Variants in GTF3C4 observed in about 807,000 individuals in gnomAD.
GTF3C4 encodes general transcription factor IIIC subunit 4.
Under a neutral mutation model 67.5 loss-of-function variants are expected in GTF3C4, and 28 were observed. That is an observed-to-expected ratio of 0.41 (90% CI 0.31 to 0.57). The LOEUF (loss-of-function observed/expected upper bound fraction) is 0.57. Ranked by LOEUF, GTF3C4 falls within the 20% of genes least tolerant of loss-of-function variation. The pLI, the probability that GTF3C4 is intolerant of heterozygous loss-of-function variation, is 0.21. For missense variants in GTF3C4, 831 were observed against 1,033.2 expected (o/e 0.80, Z 2.68); for synonymous variants, 409 against 393.0 (o/e 1.04, Z -0.48).
At chr9:132,674,663 C>G (rs923488743) in intron 1 of GTF3C4, among the ~76,000 whole-genome samples, 4 of 152,204 alleles carry the variant, frequency 2.6e-5, no homozygotes, top group African/African-American at 9.6e-5. Flanking sequence ...TTATATCTAC[C>G]TTTCATTTGG....
intron 2 of GTF3C4, among the ~76,000 whole-genome samples, chr9:132,682,389 T>C (rs1413944201): frequency 1.3e-5 from 2 of 152,100 alleles, no homozygotes; most frequent in Non-Finnish European, 2.9e-5. Flanking sequence ...TTTTAGTGAA[T>C]TAATCCAAAA....
chr9:132,674,284 C>T (rs1050840723), intron 1 of GTF3C4, among the ~76,000 whole-genome samples: 1 of 152,210 alleles, frequency 6.6e-6, no homozygotes, highest in Non-Finnish European at 1.5e-5. Context: ...GGGCAGGCCT[C>T]TGGGAGCTGG....
upstream of GTF3C4, chr9:132,670,078 G>C (rs762299348): frequency 3.8e-6 from 6 of 1,560,386 alleles, no homozygotes; most frequent in South Asian, 5.8e-5. Flanking sequence ...CTCGTCCCGA[G>C]GGGAGCCGGG....
chr9:132,683,725 C>T (rs767420565), intron 3 of GTF3C4, 32 bp downstream of exon 3: 2 of 1,590,244 alleles, frequency 1.3e-6, no homozygotes, highest in East Asian at 2.3e-5. Context: ...TACTTCTGCT[C>T]ATTTTTCAGT....
chr9:132,681,396 G>A (rs1177278958), intron 2 of GTF3C4, among the ~76,000 whole-genome samples: 1 of 152,134 alleles, frequency 6.6e-6, no homozygotes. Flanking sequence ...TGAGTTTATT[G>A]AAGACCACGC....
At chr9:132,671,472 A>C (rs567399757) in intron 1 of GTF3C4, among the ~76,000 whole-genome samples, 2 of 152,290 alleles carry the variant, frequency 1.3e-5, no homozygotes, top group South Asian at 4.1e-4. Flanking sequence ...TGACTTTATT[A>C]TGAATGGTCC....
intron 1 of GTF3C4, among the ~76,000 whole-genome samples, chr9:132,671,918 A>G (rs1053688466): frequency 2.6e-5 from 4 of 152,220 alleles, no homozygotes; most frequent in Admixed American, 2.6e-4. Context: ...CATAGAGAAC[A>G]TGTTTATGTG....
In GTF3C4 at chr9:132,679,038, C is replaced by T. The variant is rs763672314; in HGVS notation, c.1419C>T (p.Gly473=). 21 of 1,614,054 alleles carry T rather than the reference C, an allele frequency of 1.3e-5. No individual in the cohort carries two copies. The highest frequency in any genetic ancestry group is 2.2e-5 in the East Asian group (1 of 44,892). Residue 473 remains glycine (G), a synonymous_variant, in exon 2 of 5, where the codon GGC becomes GGT. Coordinates refer to ENST00000372146, the MANE Select transcript of GTF3C4 (RefSeq NM_012204.4). This position sits in a 1 kb window ranked among gnomAD's most constrained non-coding sequence, Gnocchi z 5.9. ...TGATTAAACTCTCAGATGTGTTTGGCTCAGTGAGGACTCACGGGATAGCAG... is the reference window on the plus strand; with the variant it reads ...TGATTAAACTCTCAGATGTGTTTGGTTCAGTGAGGACTCACGGGATAGCAG... ...HQLIKLSDVF[G]SVRTHGIAVS...
At chr9:132,684,011 G>A (rs1384549157) in intron 3 of GTF3C4, among the ~76,000 whole-genome samples, 1 of 152,034 alleles carries the variant, frequency 6.6e-6, no homozygotes, top group East Asian at 1.9e-4. Context: ...CATGTTACTG[G>A]ACCTGTGGGC....
chr9:132,681,586 T>G (rs1835945636), intron 2 of GTF3C4, among the ~76,000 whole-genome samples: 1 of 152,180 alleles, frequency 6.6e-6, no homozygotes. Flanking sequence ...TTTAGACACT[T>G]TTTCTGAATT....
In GTF3C4 at chr9:132,670,516, C is replaced by T. The variant is rs948318268; in HGVS notation, c.-83C>T. The stretch of plus-strand genomic sequence containing the variant: ...GGGGAGAAAACCGCCGCGGAGGGCG[C>T]TGGGGGTGGCGGCGGCGGTCCGGGA... On this transcript the variant is annotated 5_prime_UTR_variant, in exon 1 of 5. Transcript: ENST00000372146. 7.8e-6 allele frequency: 9 copies of T among 1,151,258 alleles called. No individual in the cohort carries two copies. The highest frequency in any genetic ancestry group is 3.2e-5 in the African/African-American group (2 of 61,550). The allele number at this position is 1,151,258 out of a possible 1,614,324, so 71.3% of individuals were successfully genotyped here.
Position 132,692,251 on chromosome 9 carries a change from A to G in GTF3C4, c.*3306A>G, listed in dbSNP as rs2130905656. On this transcript the variant is annotated 3_prime_UTR_variant, in exon 5 of 5. Transcript: ENST00000372146. Reference sequence around the variant, plus strand: ...TACATGTTGGAAAGAAAAATGGATTAATGGTAAAATTTCTAAAAGCTAAAT... The same window carrying G: ...TACATGTTGGAAAGAAAAATGGATTGATGGTAAAATTTCTAAAAGCTAAAT... 6.6e-6 allele frequency: 1 copy of G among 152,348 alleles called. No homozygotes were observed. The highest frequency in any genetic ancestry group is 1.9e-4 in the East Asian group (1 of 5,186). 9.4% of individuals were successfully genotyped at this position (152,348 alleles called of 1,614,324 possible). A position where few individuals can be genotyped will look rare whatever the true frequency, so the allele number is the denominator to read the frequency against.
At position 132,689,953 on chromosome 9, in the gene GTF3C4, T is replaced by G. The variant is rs1323859612; in HGVS notation, c.*1008T>G. 1 of 152,240 alleles carries G rather than the reference T, an allele frequency of 6.6e-6. No individual in the cohort carries two copies. Among genetic ancestry groups the G allele is most frequent in the Non-Finnish European group, 1.5e-5 (1 of 68,068 alleles). The allele number at this position is 152,240 out of a possible 1,614,324, so 9.4% of individuals were successfully genotyped here. A position where few individuals can be genotyped will look rare whatever the true frequency, so the allele number is the denominator to read the frequency against. On this transcript the variant is annotated 3_prime_UTR_variant, in exon 5 of 5. Transcript: ENST00000372146. ...ACAGAGCCTGGGAATTTCTTTCCTCTGCACAGTCCCTTGATATTTGGAATC... is the reference window on the plus strand; with the variant it reads ...ACAGAGCCTGGGAATTTCTTTCCTCGGCACAGTCCCTTGATATTTGGAATC...
intron 3 of GTF3C4, among the ~76,000 whole-genome samples, chr9:132,685,232 G>A (rs1836007352): frequency 6.6e-6 from 1 of 151,744 alleles, no homozygotes; most frequent in Non-Finnish European, 1.5e-5. Context: ...TGTTGACCAG[G>A]CTGGTCTTGA....
intron 3 of GTF3C4, among the ~76,000 whole-genome samples, chr9:132,686,543 C>T (rs935974048): frequency 6.6e-6 from 1 of 152,122 alleles, no homozygotes; most frequent in Non-Finnish European, 1.5e-5. Context: ...CCAGATGTAC[C>T]CTTTCCCATC....
chr9:132,688,537 T>C (rs1416505242), intron 4 of GTF3C4, among the ~76,000 whole-genome samples: 4 of 152,242 alleles, frequency 2.6e-5, no homozygotes, highest in African/African-American at 9.6e-5. Context: ...ACTGTAATTT[T>C]ATGAGAGAAT....
intron 2 of GTF3C4, among the ~76,000 whole-genome samples, chr9:132,680,401 C>G (rs809797): frequency 0.47 from 71,827 of 151,590 alleles, 17,733 homozygotes; most frequent in African/African-American, 0.61. Context: ...CCACTCAAAG[C>G]GTTCTGAGGA....
At chr9:132,685,580 T>C (rs1836014593) in intron 3 of GTF3C4, among the ~76,000 whole-genome samples, 1 of 152,010 alleles carries the variant, frequency 6.6e-6, no homozygotes, top group Non-Finnish European at 1.5e-5. Flanking sequence ...CTCGAACTCC[T>C]GGGCTCCAGT....
chr9:132,694,036 A>G lies in GTF3C4; in HGVS notation c.*5091A>G, dbSNP rs1228136305. 1 of 152,130 alleles carries G rather than the reference A, an allele frequency of 6.6e-6. No homozygotes were observed. Among genetic ancestry groups the G allele is most frequent in the Non-Finnish European group, 1.5e-5 (1 of 68,032 alleles). The allele number at this position is 152,130 out of a possible 1,614,324, so 9.4% of individuals were successfully genotyped here. On this transcript the variant is annotated 3_prime_UTR_variant, in exon 5 of 5. Coordinates refer to ENST00000372146, the MANE Select transcript of GTF3C4 (RefSeq NM_012204.4). ...AAATAAACAGAACAGTCATCTAAAA[A>G]CATAAGGTTTTGGAAAGGAGATGCT... is the stretch of plus-strand genomic sequence containing the variant.
Sources: gnomAD v4.1 joint callset for allele counts (sites outside exome capture counted in the v4.1 genomes callset) on GRCh38, gnomAD v4.1.1 for gene constraint, Gnocchi (gnomAD v3.1) non-coding constraint, MANE v1.5 for transcripts, NCBI Gene and HGNC (gene_info 2026-07-23, HGNC 2026-07-21) for gene names.